Variants in CTNNA2 observed in about 807,000 individuals in gnomAD.
The protein encoded by CTNNA2 is catenin alpha 2.
In CTNNA2, 42 loss-of-function variants were observed where a neutral mutation model predicts 101.0. That is an observed-to-expected ratio of 0.42 (90% CI 0.32 to 0.54). CTNNA2 has a LOEUF of 0.54. Among genes scored for constraint, CTNNA2 ranks in the 20% least tolerant of loss-of-function variants. The pLI is 0.14. For missense variants in CTNNA2, 871 were observed against 1,223.1 expected, an observed-to-expected ratio of 0.71 and a Z score of 4.29; for synonymous variants, 450 against 456.4, an observed-to-expected ratio of 0.99 and a Z score of 0.18.
intron 1 of CTNNA2, among the ~76,000 whole-genome samples, chr2:79,530,801 T>C (rs1290633807): frequency 6.6e-6 from 1 of 152,018 alleles, no homozygotes; most frequent in African/African-American, 2.4e-5. Context: ...GAAAGGGAAG[T>C]GAGAGGGAAG....
chr2:79,411,267 A>T (rs994120914), intron 4 of CTNNA2, among the ~76,000 whole-genome samples: 12 of 151,688 alleles, frequency 7.9e-5, no homozygotes, highest in East Asian at 3.9e-4. Flanking sequence ...GGATTCATTA[A>T]TTTTTTGAAG....
At chr2:79,188,058 G>A (rs1401073906) in intron 1 of CTNNA2, among the ~76,000 whole-genome samples, 1 of 152,106 alleles carries the variant, frequency 6.6e-6, no homozygotes, top group East Asian at 1.9e-4. Context: ...AGATTTTAAA[G>A]ATGCTTAAAT....
At chr2:79,786,385 A>G (rs1393236505) in intron 3 of CTNNA2, among the ~76,000 whole-genome samples, 2 of 152,134 alleles carry the variant, frequency 1.3e-5, no homozygotes, top group Non-Finnish European at 2.9e-5. Context: ...TTATGCATGT[A>G]CTATAAAATG....
chr2:80,330,117 CTCT>C (rs1223504094), intron 7 of CTNNA2, among the ~76,000 whole-genome samples: 6 of 152,234 alleles, frequency 3.9e-5, no homozygotes, highest in African/African-American at 1.4e-4. Context: ...CCACTCTAAG[CTCT>C]TCTTCTGGCC....
intron 2 of CTNNA2, among the ~76,000 whole-genome samples, chr2:79,733,084 C>G (rs1246866787): frequency 6.6e-6 from 1 of 152,116 alleles, no homozygotes; most frequent in African/African-American, 2.4e-5. Context: ...TCGCTGGTGG[C>G]ACCCAGCAGT....
At chr2:80,075,683 AAAT>A (rs1351457145) in intron 7 of CTNNA2, among the ~76,000 whole-genome samples, 4 of 80,336 alleles carry the variant, frequency 5.0e-5, no homozygotes, top group Non-Finnish European at 9.3e-5. Flanking sequence ...AATATTATAA[AAAT>A]AATATTTATA....
At chr2:79,898,549 T>G (rs930015737) in intron 6 of CTNNA2, among the ~76,000 whole-genome samples, 1 of 152,174 alleles carries the variant, frequency 6.6e-6, no homozygotes, top group Non-Finnish European at 1.5e-5. Flanking sequence ...CTGTGTGGCC[T>G]TCATCAAGTC....
chr2:80,362,181 G>A (rs1253800873), intron 7 of CTNNA2, among the ~76,000 whole-genome samples: 1 of 152,126 alleles, frequency 6.6e-6, no homozygotes, highest in East Asian at 1.9e-4. Flanking sequence ...GGTTGATAAG[G>A]ATGCTTTCTT....
intron 3 of CTNNA2, among the ~76,000 whole-genome samples, chr2:79,318,832 G>A (rs747273819): frequency 5.9e-5 from 9 of 152,102 alleles, no homozygotes; most frequent in East Asian, 1.9e-4. Flanking sequence ...CGTTCTGGCC[G>A]TTTACAGAAC....
At chr2:79,745,496 T>A (rs1671584084) in intron 3 of CTNNA2, among the ~76,000 whole-genome samples, 1 of 152,054 alleles carries the variant, frequency 6.6e-6, no homozygotes, top group Non-Finnish European at 1.5e-5. Context: ...AGTTCAATAC[T>A]GTTAACGATA....
chr2:80,587,058 G>A (rs1289168710), intron 14 of CTNNA2, among the ~76,000 whole-genome samples: 2 of 152,172 alleles, frequency 1.3e-5, no homozygotes, highest in African/African-American at 4.8e-5. Flanking sequence ...AGGCACAACT[G>A]ATGATCCAGT....
intron 7 of CTNNA2, among the ~76,000 whole-genome samples, chr2:80,110,087 G>C (rs1166464967): frequency 6.6e-6 from 1 of 152,144 alleles, no homozygotes; most frequent in African/African-American, 2.4e-5. Flanking sequence ...TACAATAGGA[G>C]AGTGCCTTGA....
intron 3 of CTNNA2, among the ~76,000 whole-genome samples, chr2:79,373,516 G>A (rs920221690): frequency 3.9e-5 from 6 of 152,146 alleles, no homozygotes; most frequent in Non-Finnish European, 8.8e-5. Context: ...TTATCAGCTT[G>A]CATTTTTCAA....
chr2:80,563,805 G>T (rs1279521427), intron 12 of CTNNA2, among the ~76,000 whole-genome samples: 2 of 152,048 alleles, frequency 1.3e-5, no homozygotes, highest in Non-Finnish European at 2.9e-5. Context: ...CTTATTATCT[G>T]TGTTACTCAT....
chr2:80,246,525 A>G (rs747219725), intron 7 of CTNNA2, among the ~76,000 whole-genome samples: 1 of 152,234 alleles, frequency 6.6e-6, no homozygotes, highest in African/African-American at 2.4e-5. Context: ...TCTTTGTCAA[A>G]TCACTACAAA....
At chr2:80,110,099 G>C (rs1046937973) in intron 7 of CTNNA2, among the ~76,000 whole-genome samples, 2 of 152,164 alleles carry the variant, frequency 1.3e-5, no homozygotes, top group African/African-American at 4.8e-5. Flanking sequence ...GTGCCTTGAA[G>C]AAGGGGTACT....
intron 7 of CTNNA2, among the ~76,000 whole-genome samples, chr2:80,084,008 G>C (rs1401505438): frequency 6.6e-6 from 1 of 152,036 alleles, no homozygotes; most frequent in Admixed American, 6.6e-5. Context: ...TTTATTTGCA[G>C]CTCTTCACCC....
At chr2:79,548,269 A>T (rs1445842118) in intron 1 of CTNNA2, 1 of 152,242 alleles carries the variant, frequency 6.6e-6, no homozygotes, top group African/African-American at 2.4e-5. Flanking sequence ...CAGTGTCCCC[A>T]GTATTTATCA....
chr2:80,271,248 G>C (rs903554987), intron 7 of CTNNA2, among the ~76,000 whole-genome samples: 1 of 152,168 alleles, frequency 6.6e-6, no homozygotes, highest in Admixed American at 6.5e-5. Flanking sequence ...AACATATGTA[G>C]TGGTGGTGAT....
Sources: gnomAD v4.1 joint callset for allele counts (sites outside exome capture counted in the v4.1 genomes callset) on GRCh38, gnomAD v4.1.1 for gene constraint, MANE v1.5 for transcripts, NCBI Gene and HGNC (gene_info 2026-07-23, HGNC 2026-07-21) for gene names.